Variants in ADAMTSL1 observed in about 807,000 individuals in gnomAD.
The protein encoded by ADAMTSL1 is ADAMTS like 1, also known as ADAMTS-like protein 1.
Under a neutral mutation model 201.8 loss-of-function variants are expected in ADAMTSL1, and 126 were observed. The ratio of observed to expected loss-of-function variants is 0.62; its 90% CI spans 0.54 to 0.72. ADAMTSL1 has a LOEUF of 0.72. Ranked by LOEUF, ADAMTSL1 falls within the 30% of genes least tolerant of loss-of-function variation. The pLI, the probability that ADAMTSL1 is intolerant of heterozygous loss-of-function variation, is 0.00. For synonymous variants in ADAMTSL1, 1,121 were observed against 903.4 expected (o/e 1.24, Z -4.32); for missense variants, 2,679 against 2,277.8 (o/e 1.18, Z -3.59).
chr9:18,029,276 G>T (rs1820830784), intron 1 of ADAMTSL1, among the ~76,000 whole-genome samples: 1 of 151,892 alleles, frequency 6.6e-6, no homozygotes, highest in Admixed American at 6.6e-5. Flanking sequence ...CATTGCCCTG[G>T]CCAGAACAAA....
intron 23 of ADAMTSL1, among the ~76,000 whole-genome samples, chr9:18,882,342 T>C (rs1408596695): frequency 6.6e-6 from 1 of 152,204 alleles, no homozygotes; most frequent in Non-Finnish European, 1.5e-5. Context: ...GCCCTTTTTT[T>C]TTCCTTCAAA....
At chr9:18,714,083 G>C (rs1409462769) in intron 14 of ADAMTSL1, among the ~76,000 whole-genome samples, 2 of 152,078 alleles carry the variant, frequency 1.3e-5, no homozygotes, top group Non-Finnish European at 2.9e-5. Flanking sequence ...CAGAATCTCT[G>C]GGACACATTC....
intron 1 of ADAMTSL1, among the ~76,000 whole-genome samples, chr9:18,008,751 T>C (rs1353386488): frequency 3.3e-5 from 5 of 152,032 alleles, no homozygotes; most frequent in African/African-American, 9.6e-5. Context: ...CATGGCCATC[T>C]CTAGTCACAT....
chr9:18,574,621 T>TGTGTG, intron 4 of ADAMTSL1: 1 of 225,182 alleles, frequency 4.4e-6, no homozygotes, highest in Non-Finnish European at 8.5e-6. Flanking sequence ...GTGTGTGTAT[T>TGTGTG]TAGAGACTGG....
At chr9:17,983,088 T>TTTA (rs1588520633) in intron 1 of ADAMTSL1, among the ~76,000 whole-genome samples, 1 of 144,478 alleles carries the variant, frequency 6.9e-6, no homozygotes, top group African/African-American at 2.5e-5. Flanking sequence ...TTTTTTTTTT[T>TTTA]GAGACTGAAT....
chr9:18,845,476 G>C (rs982147149), intron 23 of ADAMTSL1, among the ~76,000 whole-genome samples: 2 of 152,236 alleles, frequency 1.3e-5, no homozygotes, highest in African/African-American at 4.8e-5. Flanking sequence ...ATGCTCACCA[G>C]GGCCACAGGC....
intron 2 of ADAMTSL1, among the ~76,000 whole-genome samples, chr9:18,291,884 T>C (rs1433923529): frequency 1.3e-5 from 2 of 152,078 alleles, no homozygotes; most frequent in African/African-American, 2.4e-5. Flanking sequence ...AGTCTGGCCC[T>C]TCACACAGGG....
At chr9:18,506,429 G>A (rs1291095076) in intron 2 of ADAMTSL1, among the ~76,000 whole-genome samples, 1 of 152,136 alleles carries the variant, frequency 6.6e-6, no homozygotes, top group Non-Finnish European at 1.5e-5. Context: ...TCACAAAACT[G>A]ATAAGAAACA....
intron 1 of ADAMTSL1, among the ~76,000 whole-genome samples, chr9:18,033,294 T>A (rs1230158324): frequency 6.6e-6 from 1 of 152,210 alleles, no homozygotes; most frequent in African/African-American, 2.4e-5. Context: ...AATGGGTGTA[T>A]TAATTAGCTT....
At chr9:18,503,399 A>G (rs1822942969) in intron 1 of ADAMTSL1, among the ~76,000 whole-genome samples, 1 of 135,048 alleles carries the variant, frequency 7.4e-6, no homozygotes, top group South Asian at 2.6e-4. Context: ...TTCCTTTTTA[A>G]GGCTGAATAG....
intron 1 of ADAMTSL1, among the ~76,000 whole-genome samples, chr9:18,500,257 T>A (rs1469148661): frequency 6.6e-6 from 1 of 152,258 alleles, no homozygotes; most frequent in Non-Finnish European, 1.5e-5. Flanking sequence ...CTGTCAGATG[T>A]AAACCACGTT....
chr9:17,924,626 G>A (rs988405151), intron 1 of ADAMTSL1, among the ~76,000 whole-genome samples: 4 of 148,304 alleles, frequency 2.7e-5, no homozygotes, highest in African/African-American at 1.0e-4. Flanking sequence ...TTTAATAAAT[G>A]GTGCTGGGAA....
intron 1 of ADAMTSL1, among the ~76,000 whole-genome samples, chr9:17,909,494 C>T (rs199887686): frequency 8.4e-5 from 7 of 83,062 alleles, no homozygotes; most frequent in African/African-American, 1.4e-4. Context: ...AATTGATTTT[C>T]GTATAAGGTG....
intron 2 of ADAMTSL1, among the ~76,000 whole-genome samples, chr9:18,232,232 C>G (rs1830669705): frequency 6.6e-6 from 1 of 152,184 alleles, no homozygotes; most frequent in African/African-American, 2.4e-5. Flanking sequence ...TGCCTGGATC[C>G]TTTATACTTG....
intron 2 of ADAMTSL1, among the ~76,000 whole-genome samples, chr9:18,222,564 T>C (rs1830301059): frequency 6.6e-6 from 1 of 151,836 alleles, no homozygotes; most frequent in African/African-American, 2.4e-5. Flanking sequence ...TAGTCCTACT[T>C]TGATTTTGTT....
chr9:18,639,010 T>A (rs1373267763), intron 6 of ADAMTSL1, among the ~76,000 whole-genome samples: 1 of 152,106 alleles, frequency 6.6e-6, no homozygotes, highest in African/African-American at 2.4e-5. Flanking sequence ...GTCAAAGATT[T>A]TTTTGACAGG....
chr9:17,928,333 C>T (rs1326455729), intron 1 of ADAMTSL1, among the ~76,000 whole-genome samples: 1 of 152,120 alleles, frequency 6.6e-6, no homozygotes, highest in Non-Finnish European at 1.5e-5. Context: ...GCACCTGCCT[C>T]TTGAGACTTC....
At chr9:18,209,053 T>C (rs1322220936) in intron 2 of ADAMTSL1, among the ~76,000 whole-genome samples, 1 of 152,180 alleles carries the variant, frequency 6.6e-6, no homozygotes, top group East Asian at 1.9e-4. Flanking sequence ...ATTTACCATT[T>C]GTAATTTAGG....
intron 2 of ADAMTSL1, among the ~76,000 whole-genome samples, chr9:18,176,150 G>A (rs80102948): frequency 0.012 from 1,853 of 151,984 alleles, 22 homozygotes; most frequent in Non-Finnish European, 0.019. Flanking sequence ...TTGTTGTAGC[G>A]TGCTGCTGGA....
Sources: gnomAD v4.1 joint callset for allele counts (sites outside exome capture counted in the v4.1 genomes callset) on GRCh38, gnomAD v4.1.1 for gene constraint, MANE v1.5 for transcripts, NCBI Gene and HGNC (gene_info 2026-07-23, HGNC 2026-07-21) for gene names.